PTPRD: variants seen among roughly 807,000 people sequenced by gnomAD.
PTPRD encodes protein tyrosine phosphatase receptor type D.
A neutral mutation model predicts 214.5 loss-of-function variants in PTPRD; 34 were observed. The observed-to-expected ratio is 0.16, with a 90% CI of 0.12 to 0.21. PTPRD has a LOEUF of 0.21. Ranked by LOEUF, PTPRD falls within the 10% of genes least tolerant of loss-of-function variation. The pLI is 1.00. For synonymous variants in PTPRD, 1,128 were observed against 845.7 expected (o/e 1.33, Z -5.79); for missense variants, 2,545 against 2,398.7 (o/e 1.06, Z -1.27).
intron 9 of PTPRD, among the ~76,000 whole-genome samples, chr9:9,290,327 T>C (rs1307987135): frequency 2.0e-5 from 3 of 151,716 alleles, no homozygotes; most frequent in Admixed American, 1.3e-4. Flanking sequence ...TGCTATTTAG[T>C]TGTGTGAGTT....
At chr9:10,525,454 T>C (rs2053949010) in intron 2 of PTPRD, among the ~76,000 whole-genome samples, 1 of 152,034 alleles carries the variant, frequency 6.6e-6, no homozygotes, top group Non-Finnish European at 1.5e-5. Context: ...TTACAGATGA[T>C]ATGAAAATTA....
intron 11 of PTPRD, among the ~76,000 whole-genome samples, chr9:8,999,070 G>A (rs1310946215): frequency 6.6e-6 from 1 of 151,980 alleles, no homozygotes; most frequent in East Asian, 1.9e-4. Flanking sequence ...TCTACTCCTG[G>A]GAAAGATGCT....
intron 11 of PTPRD, among the ~76,000 whole-genome samples, chr9:8,774,362 C>T (rs2095372083): frequency 6.6e-6 from 1 of 151,744 alleles, no homozygotes; most frequent in Non-Finnish European, 1.5e-5. Flanking sequence ...CATGAAAGAC[C>T]TCAGTGCCTT....
chr9:8,931,004 G>T (rs2098948680), intron 11 of PTPRD, among the ~76,000 whole-genome samples: 1 of 152,128 alleles, frequency 6.6e-6, no homozygotes, highest in African/African-American at 2.4e-5. Context: ...TGTTGCCATT[G>T]CTTTGGGTGT....
chr9:9,870,051 A>G (rs1262641557), intron 5 of PTPRD, among the ~76,000 whole-genome samples: 3 of 152,084 alleles, frequency 2.0e-5, no homozygotes, highest in Admixed American at 6.6e-5. Context: ...TGAAGTATCT[A>G]CAGGTACTTG....
At chr9:9,036,617 A>T (rs530582045) in intron 10 of PTPRD, among the ~76,000 whole-genome samples, 3 of 152,340 alleles carry the variant, frequency 2.0e-5, no homozygotes, top group African/African-American at 7.2e-5. Context: ...GAGGAAACTG[A>T]GTATGAGTTA....
chr9:10,382,211 G>A (rs1376116463), intron 2 of PTPRD, among the ~76,000 whole-genome samples: 1 of 151,884 alleles, frequency 6.6e-6, no homozygotes, highest in Non-Finnish European at 1.5e-5. Context: ...TTTAATTTCA[G>A]TAACTCCACA....
chr9:9,775,807 A>G (rs771308399), intron 5 of PTPRD, among the ~76,000 whole-genome samples: 1 of 151,836 alleles, frequency 6.6e-6, no homozygotes, highest in African/African-American at 2.4e-5. Context: ...AAACAAAAAA[A>G]TAGCCGGGCA....
chr9:9,167,918 T>C (rs1401534312), intron 10 of PTPRD, among the ~76,000 whole-genome samples: 1 of 152,206 alleles, frequency 6.6e-6, no homozygotes, highest in East Asian at 1.9e-4. Context: ...AGTCTGATCA[T>C]CCTTAGAAAG....
intron 5 of PTPRD, 65 bp from the exon 6 acceptor site, chr9:9,766,916 A>C (rs1029408623): frequency 1.3e-5 from 2 of 152,480 alleles, no homozygotes; most frequent in African/African-American, 4.8e-5. Flanking sequence ...AGAAATACCA[A>C]TATATAAAAC....
chr9:8,535,801 T>C (rs966669647), intron 14 of PTPRD, among the ~76,000 whole-genome samples: 4 of 151,968 alleles, frequency 2.6e-5, no homozygotes, highest in Non-Finnish European at 4.4e-5. Flanking sequence ...AACACCTCTG[T>C]ACAAAGTCTC....
intron 5 of PTPRD, among the ~76,000 whole-genome samples, chr9:9,835,906 G>T (rs1432250837): frequency 6.6e-6 from 1 of 152,048 alleles, no homozygotes; most frequent in Non-Finnish European, 1.5e-5. Context: ...AAATGCTGGT[G>T]CCAGTTTTAC....
chr9:8,373,607 ATGCGGGTGTGTGTG>A (rs1332095464), intron 39 of PTPRD, among the ~76,000 whole-genome samples: 9 of 139,754 alleles, frequency 6.4e-5, no homozygotes, highest in Non-Finnish European at 1.4e-4. Flanking sequence ...CATAACATGG[ATGCGGGTGTGTGTG>A]TGTGTGTGTG....
intron 12 of PTPRD, among the ~76,000 whole-genome samples, chr9:8,685,227 T>A (rs976218183): frequency 2.7e-5 from 4 of 149,648 alleles, no homozygotes; most frequent in African/African-American, 7.4e-5. Context: ...CAAAAAGGCC[T>A]CTACAAAGAA....
chr9:10,402,727 T>C (rs758766950), intron 2 of PTPRD, among the ~76,000 whole-genome samples: 5 of 151,854 alleles, frequency 3.3e-5, no homozygotes, highest in Middle Eastern at 3.4e-3. Flanking sequence ...TTTGTCTATC[T>C]CTGACAGATT....
intron 3 of PTPRD, among the ~76,000 whole-genome samples, chr9:10,232,876 C>T (rs927302278): frequency 2.6e-5 from 4 of 151,928 alleles, no homozygotes; most frequent in Admixed American, 1.3e-4. Context: ...CTATGCCATA[C>T]GTTTTATGTG....
At chr9:9,065,301 G>C (rs10759039) in intron 10 of PTPRD, among the ~76,000 whole-genome samples, 59,766 of 151,974 alleles carry the variant, frequency 0.39, 13,265 homozygotes, top group East Asian at 0.66. Flanking sequence ...TTGCTGAAAA[G>C]TGACAATGGT....
intron 4 of PTPRD, among the ~76,000 whole-genome samples, chr9:9,970,792 C>T (rs2095055352): frequency 6.6e-6 from 1 of 152,152 alleles, no homozygotes; most frequent in Admixed American, 6.5e-5. Context: ...ACTGTTTCTA[C>T]ATTGCTCTGG....
chr9:10,540,719 CTTTA>C (rs1489714316), intron 2 of PTPRD, among the ~76,000 whole-genome samples: 1 of 152,042 alleles, frequency 6.6e-6, no homozygotes, highest in Non-Finnish European at 1.5e-5. Context: ...ATTTTTGTTT[CTTTA>C]TTTGTTTAAG....
Sources: allele counts gnomAD v4.1 joint callset (sites outside exome capture counted in the v4.1 genomes callset), GRCh38; gene constraint gnomAD v4.1.1; transcripts MANE v1.5; gene names NCBI Gene and HGNC (gene_info 2026-07-23, HGNC 2026-07-21).